The following CERS6 variants were observed in gnomAD, a reference collection of about 807,000 sequenced individuals.
CERS6 encodes LAG1 homolog, ceramide synthase 6.
In CERS6, 26 loss-of-function variants were observed where a neutral mutation model predicts 56.8. That is an observed-to-expected ratio of 0.46 (90% CI 0.34 to 0.63). The LOEUF is 0.63. Ranked by LOEUF, CERS6 falls within the 30% of genes least tolerant of loss-of-function variation. The probability of loss-of-function intolerance (pLI) is 0.01; values close to 1 mark genes in which losing one functional copy is unlikely to be tolerated. For missense variants in CERS6, 415 were observed against 467.5 expected (o/e 0.89, Z 1.04); for synonymous variants, 164 against 173.3 (o/e 0.95, Z 0.42).
rs556919758 is a variant in CERS6, at chr2:168,649,912, G to T, written c.465+18870G>T. Among the ~76,000 whole-genome samples the T allele has an allele frequency of 9.2e-5, 14 of 152,174 alleles. No homozygotes were observed. The South Asian group carries it at 2.9e-3, about 32-fold the overall frequency. The stretch of plus-strand genomic sequence containing the variant: ...ACTTACTGTAAGCCCCTCAAGGATG[G>T]TTCCTGGATATCAATACTCTATAAA... On this transcript the variant is annotated intron_variant, in intron 4 of 9. Coordinates refer to ENST00000305747, the MANE Select transcript of CERS6 (RefSeq NM_203463.3).
At position 168,714,460 on chromosome 2, in the gene CERS6, A is replaced by G. The variant is rs114362416; in HGVS notation, c.610-541A>G. On this transcript the variant is annotated intron_variant, in intron 6 of 9. Coordinates refer to ENST00000305747, the MANE Select transcript of CERS6 (RefSeq NM_203463.3). ...ACAGCCAATACCTGCCGAAGCCCCA[A>G]TCATTAGTAGTCAGAGAAGTGGTCC... Among the ~76,000 whole-genome samples the G allele has an allele frequency of 3.9e-3, 599 of 152,296 alleles. 4 individuals carry two copies. The highest frequency in any genetic ancestry group is 0.034 in the Middle Eastern group (10 of 294).
chr2:168,456,468 G>C lies in CERS6; in HGVS notation c.20G>C (p.Trp7Ser), dbSNP rs751172925. The C allele has an allele frequency of 1.2e-6, 2 of 1,613,758 alleles. No individual in the cohort carries two copies. Among genetic ancestry groups the C allele is most frequent in the Admixed American group, 1.7e-5 (1 of 60,014 alleles). ...AGCAAGATGGCAGGGATCTTAGCCT[G>C]GTTCTGGAACGAGAGGTTTTGGCTC... MAGILA[W>S]FWNERFWLPH... Residue 7 changes from tryptophan (W) to serine (S), a missense_variant, in exon 1 of 10, where the codon TGG becomes TCG. Physicochemically the swap from Trp to Ser is radical, Grantham distance 177. Coordinates refer to ENST00000305747, the MANE Select transcript of CERS6 (RefSeq NM_203463.3). The surrounding 1 kb of genome is among the most constrained non-coding windows in gnomAD (Gnocchi z 4.1).
chr2:168,712,332 C>T (rs1687111759), intron 6 of CERS6, among the ~76,000 whole-genome samples: 1 of 152,184 alleles, frequency 6.6e-6, no homozygotes. Context: ...TCAGAACAAA[C>T]AGGAATAGTC....
rs190339315 is a variant in CERS6, at chr2:168,771,871, C to G, written c.*2209C>G. 1.3e-5 allele frequency: 2 copies of G among 152,130 alleles called. No individual in the cohort carries two copies. Among genetic ancestry groups the G allele is most frequent in the Admixed American group, 6.6e-5 (1 of 15,258 alleles). The allele number at this position is 152,130 out of a possible 1,614,324, so 9.4% of individuals were successfully genotyped here. ...AAGGCAAATCTAAGCAATCATTTTTCCCCCCAGAAGTTACTTAGAAGGAGA... is the reference window on the plus strand; with the variant it reads ...AAGGCAAATCTAAGCAATCATTTTTGCCCCCAGAAGTTACTTAGAAGGAGA... On this transcript the variant is annotated 3_prime_UTR_variant, in exon 10 of 10. Transcript: ENST00000305747.
intron 1 of CERS6, among the ~76,000 whole-genome samples, chr2:168,542,155 A>C (rs1404715007): frequency 6.6e-6 from 1 of 152,000 alleles, no homozygotes; most frequent in South Asian, 2.1e-4. Context: ...TGTGGTGTTC[A>C]TATGTTGTGA....
At chr2:168,496,728 C>T (rs1305508571) in intron 1 of CERS6, among the ~76,000 whole-genome samples, 1 of 152,094 alleles carries the variant, frequency 6.6e-6, no homozygotes, top group East Asian at 1.9e-4. Flanking sequence ...CATCTTGTTT[C>T]TAGTAGTAGC....
intron 4 of CERS6, among the ~76,000 whole-genome samples, chr2:168,675,035 G>T (rs1162838107): frequency 6.6e-6 from 1 of 151,824 alleles, no homozygotes. Context: ...GAGTGCAGTG[G>T]CGTAATCGGC....
chr2:168,486,850 G>A (rs1694285796), intron 1 of CERS6, among the ~76,000 whole-genome samples: 2 of 152,160 alleles, frequency 1.3e-5, no homozygotes, highest in Non-Finnish European at 2.9e-5. Flanking sequence ...GGAAGGACCA[G>A]CATTTCACAT....
intron 3 of CERS6, among the ~76,000 whole-genome samples, chr2:168,627,939 C>T (rs1427484223): frequency 6.6e-6 from 1 of 152,060 alleles, no homozygotes; most frequent in East Asian, 1.9e-4. Flanking sequence ...TGTTCCTCCC[C>T]TCCAGTGGAT....
chr2:168,601,540 A>G (rs910403717), intron 3 of CERS6, among the ~76,000 whole-genome samples: 5 of 151,060 alleles, frequency 3.3e-5, no homozygotes, highest in African/African-American at 4.9e-5. Context: ...GGTGGACGCC[A>G]GTTTCTTGGC....
chr2:168,750,436 T>G (rs778197314), intron 8 of CERS6, among the ~76,000 whole-genome samples: 2 of 152,264 alleles, frequency 1.3e-5, no homozygotes, highest in Non-Finnish European at 2.9e-5. Context: ...GATTGTTTGA[T>G]ATCTTTGTTT....
chr2:168,638,477 A>G (rs1193900700), intron 4 of CERS6, among the ~76,000 whole-genome samples: 2 of 152,038 alleles, frequency 1.3e-5, no homozygotes, highest in Admixed American at 6.6e-5. Flanking sequence ...CAAAACATGT[A>G]CAACTACTAT....
chr2:168,592,235 A>G (rs16855565), intron 3 of CERS6, among the ~76,000 whole-genome samples: 19,252 of 152,136 alleles, frequency 0.13, 2,377 homozygotes, highest in African/African-American at 0.32. Context: ...TGTTTCAGAA[A>G]GACTGGAGAG....
chr2:168,501,048 C>T (rs1694571261), intron 1 of CERS6, among the ~76,000 whole-genome samples: 1 of 152,202 alleles, frequency 6.6e-6, no homozygotes, highest in Non-Finnish European at 1.5e-5. Context: ...ATTCCTAAAC[C>T]TGAAACACCA....
intron 1 of CERS6, among the ~76,000 whole-genome samples, chr2:168,542,837 C>G (rs1354522073): frequency 6.6e-6 from 1 of 152,112 alleles, no homozygotes. Context: ...GCTGGGATTA[C>G]AGGCGTGCAC....
intron 1 of CERS6, among the ~76,000 whole-genome samples, chr2:168,485,890 C>G (rs960658729): frequency 1.2e-4 from 19 of 152,112 alleles, no homozygotes; most frequent in African/African-American, 2.4e-5. Context: ...AGCTTGATTG[C>G]CAGATCATAT....
chr2:168,741,498 A>G (rs1239674288), intron 8 of CERS6, among the ~76,000 whole-genome samples: 2 of 152,208 alleles, frequency 1.3e-5, no homozygotes, highest in Non-Finnish European at 2.9e-5. Flanking sequence ...CAAAAAATAC[A>G]ATAACACTAA....
At chr2:168,460,275 A>C (rs1216355031) in intron 1 of CERS6, among the ~76,000 whole-genome samples, 2 of 151,268 alleles carry the variant, frequency 1.3e-5, no homozygotes, top group Admixed American at 1.3e-4. Context: ...GCTCACTGCA[A>C]CCTCCACCTC....
At chr2:168,597,290 T>G (rs571950039) in intron 3 of CERS6, among the ~76,000 whole-genome samples, 3 of 152,284 alleles carry the variant, frequency 2.0e-5, no homozygotes, top group Non-Finnish European at 2.9e-5. Context: ...GTATACAATT[T>G]ATATAATATT....
Sources: gnomAD v4.1 joint callset for allele counts (sites outside exome capture counted in the v4.1 genomes callset) on GRCh38, gnomAD v4.1.1 for gene constraint, Gnocchi (gnomAD v3.1) non-coding constraint, MANE v1.5 for transcripts, NCBI Gene and HGNC (gene_info 2026-07-23, HGNC 2026-07-21) for gene names.